The following ZNF793 variants were observed in gnomAD, a reference collection of about 807,000 sequenced individuals.
The protein encoded by ZNF793 is zinc finger protein 793.
ZNF793 carries 5 observed loss-of-function variants against 12.4 expected under a neutral mutation model. The observed-to-expected ratio is 0.40, with a 90% CI of 0.21 to 0.84. ZNF793 has a LOEUF of 0.84. ZNF793 is among the 40% of genes least tolerant of loss of function. The pLI is 0.35. For synonymous variants in ZNF793, 162 were observed against 172.4 expected (o/e 0.94, Z 0.47); for missense variants, 456 against 495.0 (o/e 0.92, Z 0.75).
intron 2 of ZNF793, among the ~76,000 whole-genome samples, chr19:37,511,829 G>A (rs1053538533): frequency 4.6e-5 from 7 of 152,100 alleles, no homozygotes; most frequent in Admixed American, 1.3e-4. Flanking sequence ...TGAAGCTAAC[G>A]GTTAAGGACT....
At chr19:37,523,786 T>C (rs1370254402) in intron 5 of ZNF793, among the ~76,000 whole-genome samples, 1 of 152,180 alleles carries the variant, frequency 6.6e-6, no homozygotes, top group African/African-American at 2.4e-5. Flanking sequence ...TCATTGATTG[T>C]AGGCTGCCCC....
rs1328156147 is a variant in ZNF793 at position 37,537,048 on chromosome 19, T to C, written c.390T>C (p.Phe130=). Reference sequence around the variant, plus strand: ...TATCACTTCTGAGCACTGATCTTTTTTCTTCAATCCAGAGCCCTAGTAACT... The same window carrying C: ...TATCACTTCTGAGCACTGATCTTTTCTCTTCAATCCAGAGCCCTAGTAACT... ...GKISLLSTDL[F]SSIQSPSNWN... The change falls in exon 8 of 8, where the codon TTT becomes TTC. Residue 130 remains phenylalanine (F), a synonymous_variant. Transcript: ENST00000627814. The C allele has an allele frequency of 1.2e-6, 2 of 1,613,986 alleles. No homozygotes were observed.
chr19:37,529,231 C>A (rs34874723), intron 5 of ZNF793, among the ~76,000 whole-genome samples: 6,641 of 152,242 alleles, frequency 0.044, 202 homozygotes, highest in Non-Finnish European at 0.064. Flanking sequence ...AGGCATCATG[C>A]AATGTGAAAT....
Position 37,542,593 on chromosome 19 carries a change from CAACTGGGA to C in ZNF793, c.*4717_*4724del. ...CACTAGAATCAAAGTAAATACCCAT[CAACTGGGA>C]AATTGTAGAAAGGAAAAAACTATAG... On this transcript the variant is annotated 3_prime_UTR_variant, in exon 8 of 8. Coordinates refer to ENST00000627814, the MANE Select transcript of ZNF793 (RefSeq NM_001013659.3). 3.7e-6 allele frequency: 1 copy of C among 269,850 alleles called. No individual in the cohort carries two copies. Among genetic ancestry groups the C allele is most frequent in the South Asian group, 3.6e-5 (1 of 27,958 alleles). The allele number at this position is 269,850 out of a possible 1,614,324, so 16.7% of individuals were successfully genotyped here. A position where few individuals can be genotyped will look rare whatever the true frequency, so the allele number is the denominator to read the frequency against.
rs769720939 is a variant in ZNF793 at position 37,537,441 on chromosome 19, G to C, written c.783G>C (p.Gly261=). 5 of 1,613,496 alleles carry C rather than the reference G, an allele frequency of 3.1e-6. No individual in the cohort carries two copies. In the Admixed American group the frequency reaches 8.3e-5, roughly 27 times the overall value. Residue 261 remains glycine (G), a synonymous_variant, in exon 8 of 8, where the codon GGG becomes GGC. Coordinates refer to ENST00000627814, the MANE Select transcript of ZNF793 (RefSeq NM_001013659.3). Reference sequence around the variant, plus strand: ...AGCCTTATGGCTGCACTGACTGTGGGAAAGCCTTTTCACATAAGTCAACCC... The same window carrying C: ...AGCCTTATGGCTGCACTGACTGTGGCAAAGCCTTTTCACATAAGTCAACCC... ...GEKPYGCTDC[G]KAFSHKSTLI...
chr19:37,518,844 GTTTTAC>G (rs1035815719), intron 2 of ZNF793, among the ~76,000 whole-genome samples: 3 of 149,574 alleles, frequency 2.0e-5, no homozygotes, highest in Non-Finnish European at 2.9e-5. Context: ...GCTTCCAGTT[GTTTTAC>G]TTTTGTAAGC....
At chr19:37,508,866 G>A (rs1171845696) in intron 2 of ZNF793, among the ~76,000 whole-genome samples, 1 of 152,100 alleles carries the variant, frequency 6.6e-6, no homozygotes, top group Admixed American at 6.5e-5. Flanking sequence ...TGTATTCTGA[G>A]AAACTTTTTG....
intron 4 of ZNF793, among the ~76,000 whole-genome samples, chr19:37,522,958 C>G (rs1258613124): frequency 6.6e-6 from 1 of 152,074 alleles, no homozygotes; most frequent in Non-Finnish European, 1.5e-5. Context: ...TGCTTTATGA[C>G]CTATATAATA....
chr19:37,520,911 G>A (rs765895732), intron 3 of ZNF793, among the ~76,000 whole-genome samples: 54 of 152,148 alleles, frequency 3.5e-4, no homozygotes, highest in Admixed American at 1.0e-3. Context: ...TTTTGAGACG[G>A]AGTTTCACTC....
Position 37,533,408 on chromosome 19 carries a change from G to C in ZNF793, c.238+5G>C. 6.2e-7 allele frequency: 1 copy of C among 1,613,630 alleles called. No homozygotes were observed. Among genetic ancestry groups the C allele is most frequent in the Non-Finnish European group, 8.5e-7 (1 of 1,179,590 alleles). ...GCCCGGGCTGCCACTGTTGGGGTAA[G>C]TGTGATAAATCTAGCAAAAGGGGTA... On this transcript the variant is annotated splice_donor_5th_base_variant and intron_variant, in intron 7 of 7. Transcript: ENST00000627814.
Position 37,539,400 on chromosome 19 carries a change from C to T in ZNF793, c.*1521C>T, listed in dbSNP as rs187649798. On this transcript the variant is annotated 3_prime_UTR_variant, in exon 8 of 8. Transcript: ENST00000627814. The stretch of plus-strand genomic sequence containing the variant: ...AGGAGAATTTCTTTTCTCTCTATCC[C>T]TCTGCAAATTAATTCAAGAATATTC... The T allele has an allele frequency of 6.6e-6, 1 of 152,178 alleles. No homozygotes were observed. Among genetic ancestry groups the T allele is most frequent in the Non-Finnish European group, 1.5e-5 (1 of 68,018 alleles). The allele number at this position is 152,178 out of a possible 1,614,324, so 9.4% of individuals were successfully genotyped here. A position where few individuals can be genotyped will look rare whatever the true frequency, so the allele number is the denominator to read the frequency against.
At position 37,532,381 on chromosome 19, in the gene ZNF793, T is replaced by C. The variant is rs2042468791; in HGVS notation, c.41T>C (p.Val14Ala). 1 of 1,614,008 alleles carries C rather than the reference T, an allele frequency of 6.2e-7. No homozygotes were observed. The highest frequency in any genetic ancestry group is 8.5e-7 in the Non-Finnish European group (1 of 1,180,010). ...ATACCTGTGTCATTCAAAGATGTGG[T>C]TGTGGGCTTCACCCAAGAGGAGTGG... Reference protein sequence around the residue: ...YQIPVSFKDVVVGFTQEEWHR... With the variant: ...YQIPVSFKDVAVGFTQEEWHR... Residue 14 changes from valine to alanine, a missense_variant, in exon 6 of 8, where the codon GTT becomes GCT. Coordinates refer to ENST00000627814, the MANE Select transcript of ZNF793 (RefSeq NM_001013659.3).
chr19:37,532,590 C>A, intron 6 of ZNF793, 108 bp downstream of exon 6: 1 of 1,284,576 alleles, frequency 7.8e-7, no homozygotes, highest in Non-Finnish European at 1.0e-6. Context: ...GCAGGTGGAT[C>A]ACCTGAGGTC....
chr19:37,529,484 T>A (rs2147095113), intron 5 of ZNF793, among the ~76,000 whole-genome samples: 1 of 152,162 alleles, frequency 6.6e-6, no homozygotes, highest in South Asian at 2.1e-4. Context: ...AGTCTGATGA[T>A]CTCTGCCTTT....
intron 2 of ZNF793, among the ~76,000 whole-genome samples, chr19:37,509,021 C>T (rs1335668932): frequency 1.3e-5 from 2 of 152,130 alleles, no homozygotes; most frequent in Non-Finnish European, 2.9e-5. Flanking sequence ...CTGTTCCTCA[C>T]TGAAATTAAA....
intron 4 of ZNF793, 36 bp from the exon 5 acceptor site, chr19:37,523,370 TTCTC>T: frequency 6.7e-7 from 1 of 1,502,732 alleles, no homozygotes; most frequent in East Asian, 2.3e-5. Flanking sequence ...CTGTTCTCTG[TTCTC>T]TCTTTCTCCA....
At chr19:37,528,853 G>C (rs2042436032) in intron 5 of ZNF793, among the ~76,000 whole-genome samples, 1 of 152,190 alleles carries the variant, frequency 6.6e-6, no homozygotes, top group African/African-American at 2.4e-5. Flanking sequence ...TGGAGCTCTG[G>C]CCTGGGCACC....
intron 7 of ZNF793, chr19:37,535,016 A>G (rs1240174464): frequency 6.6e-6 from 1 of 151,804 alleles, no homozygotes; most frequent in Non-Finnish European, 1.5e-5. Flanking sequence ...TATTGTTCAG[A>G]TGAAGTCTTG....
Position 37,531,782 on chromosome 19 carries a change from C to T in ZNF793, c.16-574C>T, listed in dbSNP as rs144680851. ...TACATGTTGCTCTCTCTGTGCCAGA[C>T]AGTGAGCTCCTTGAGGTCAGGACCC... On this transcript the variant is annotated intron_variant, in intron 5 of 7. Transcript: ENST00000627814. Among the ~76,000 whole-genome samples the T allele has an allele frequency of 3.8e-4, 58 of 152,284 alleles. No homozygotes were observed. In the East Asian group the frequency reaches 0.01, roughly 27 times the overall value.
Sources: allele counts gnomAD v4.1 joint callset (sites outside exome capture counted in the v4.1 genomes callset), GRCh38; gene constraint gnomAD v4.1.1; transcripts MANE v1.5; gene names NCBI Gene and HGNC (gene_info 2026-07-23, HGNC 2026-07-21).